CORO2A: variants seen among roughly 807,000 people sequenced by gnomAD.
CORO2A encodes coronin 2A.
In CORO2A, 47 loss-of-function variants were observed where a neutral mutation model predicts 62.4. That is an observed-to-expected ratio of 0.75 (90% CI 0.60 to 0.96). CORO2A has a LOEUF of 0.96. Among genes scored for constraint, CORO2A ranks in the 40% least tolerant of loss-of-function variants. The pLI is 0.00. For missense variants in CORO2A, 610 were observed against 684.1 expected (o/e 0.89, Z 1.21); for synonymous variants, 273 against 268.9 (o/e 1.02, Z -0.15).
At chr9:98,151,043 A>G (rs1827717893) in intron 2 of CORO2A, among the ~76,000 whole-genome samples, 2 of 152,182 alleles carry the variant, frequency 1.3e-5, no homozygotes, top group South Asian at 4.1e-4. Context: ...AACATTCTAT[A>G]TACAGTTGCA....
chr9:98,187,269 C>G (rs1282473244), intron 1 of CORO2A, among the ~76,000 whole-genome samples: 1 of 115,804 alleles, frequency 8.6e-6, no homozygotes, highest in African/African-American at 3.2e-5. Flanking sequence ...GGCGACAGAG[C>G]AAGACTCCAT....
intron 7 of CORO2A, 80 bp downstream of exon 7, chr9:98,130,875 G>C: frequency 8.4e-7 from 1 of 1,196,378 alleles, no homozygotes; most frequent in Non-Finnish European, 1.2e-6. Flanking sequence ...TCCCTGCCCT[G>C]TGTTCCCAAT....
At chr9:98,125,724 T>A (rs976726483) in intron 11 of CORO2A, among the ~76,000 whole-genome samples, 7 of 144,120 alleles carry the variant, frequency 4.9e-5, no homozygotes, top group African/African-American at 1.8e-4. Context: ...TTTTTTTTTT[T>A]TTTTTTTTTT....
chr9:98,192,339 G>C (rs914305596), intron 1 of CORO2A, among the ~76,000 whole-genome samples: 1 of 152,260 alleles, frequency 6.6e-6, no homozygotes, highest in Non-Finnish European at 1.5e-5. Flanking sequence ...CGCGAGAAGG[G>C]GGCCACCAAT....
chr9:98,165,349 G>C (rs1302433631), intron 1 of CORO2A, among the ~76,000 whole-genome samples: 1 of 152,170 alleles, frequency 6.6e-6, no homozygotes, highest in Non-Finnish European at 1.5e-5. Flanking sequence ...ATTTCTTAAA[G>C]GGCCCAACAT....
chr9:98,131,597 G>A (rs1044264995), intron 6 of CORO2A, among the ~76,000 whole-genome samples: 3 of 152,032 alleles, frequency 2.0e-5, no homozygotes, highest in Admixed American at 6.6e-5. Context: ...GGGATTACAC[G>A]CGTGTACCAC....
chr9:98,164,243 T>C (rs1827929221), intron 1 of CORO2A, among the ~76,000 whole-genome samples: 1 of 152,230 alleles, frequency 6.6e-6, no homozygotes, highest in Non-Finnish European at 1.5e-5. Context: ...GAACGCTCTA[T>C]GTGAAGGTGC....
At chr9:98,188,185 A>G (rs1828262114) in intron 1 of CORO2A, among the ~76,000 whole-genome samples, 1 of 152,228 alleles carries the variant, frequency 6.6e-6, no homozygotes, top group Admixed American at 6.5e-5. Flanking sequence ...CCCAGAAATG[A>G]GCCTGACTCA....
chr9:98,185,997 T>C (rs1054835283), intron 1 of CORO2A, among the ~76,000 whole-genome samples: 4 of 152,174 alleles, frequency 2.6e-5, no homozygotes, highest in Admixed American at 2.0e-4. Flanking sequence ...CAGGGCTGGC[T>C]AGAGGGACAA....
At chr9:98,137,273 G>A (rs755985828) in intron 3 of CORO2A, among the ~76,000 whole-genome samples, 1 of 152,078 alleles carries the variant, frequency 6.6e-6, no homozygotes, top group Non-Finnish European at 1.5e-5. Flanking sequence ...ATAGCTCCCC[G>A]AAGGATGGGT....
At position 98,191,014 on chromosome 9, in the gene CORO2A, T is replaced by G. The variant is rs72757961; in HGVS notation, c.-1+1545A>C. ...CACCCCCAGGTTCTGCTTGAATACC[T>G]GTGATGACAAAGAGCTCACTACCTG... On this transcript the variant is annotated intron_variant, in intron 1 of 11. Coordinates refer to ENST00000375077, the MANE Select transcript of CORO2A (RefSeq NM_052820.4). 1.2e-3 allele frequency among the ~76,000 whole-genome samples: 184 copies of G among 152,362 alleles called. 3 individuals carry two copies. Among genetic ancestry groups the G allele is most frequent in the Middle Eastern group, 3.4e-3 (1 of 294 alleles).
chr9:98,127,776 C>T (rs1827346465), intron 10 of CORO2A, among the ~76,000 whole-genome samples: 2 of 131,470 alleles, frequency 1.5e-5, no homozygotes, highest in African/African-American at 2.9e-5. Context: ...TGAGATTGTA[C>T]CACTGCACTC....
At chr9:98,145,100 C>T (rs1280156864) in intron 2 of CORO2A, among the ~76,000 whole-genome samples, 5 of 152,152 alleles carry the variant, frequency 3.3e-5, no homozygotes, top group Non-Finnish European at 7.4e-5. Context: ...TCCTTATGAG[C>T]ACCCAGATGA....
intron 5 of CORO2A, among the ~76,000 whole-genome samples, chr9:98,132,581 C>A (rs1827424201): frequency 6.6e-6 from 1 of 152,200 alleles, no homozygotes; most frequent in Non-Finnish European, 1.5e-5. Context: ...TATTGGGCAT[C>A]CCTACAGGGG....
intron 11 of CORO2A, among the ~76,000 whole-genome samples, chr9:98,126,182 T>C (rs1827315513): frequency 6.6e-6 from 1 of 151,730 alleles, no homozygotes; most frequent in South Asian, 2.1e-4. Flanking sequence ...ACTACAGGTG[T>C]ACGCCACCAC....
intron 2 of CORO2A, among the ~76,000 whole-genome samples, chr9:98,139,484 G>A (rs752011509): frequency 2.6e-5 from 4 of 152,214 alleles, no homozygotes; most frequent in Admixed American, 6.5e-5. Context: ...AAAATTAGCC[G>A]GGCGTGGTGG....
intron 2 of CORO2A, among the ~76,000 whole-genome samples, chr9:98,150,698 A>G (rs1827711206): frequency 6.6e-6 from 1 of 152,232 alleles, no homozygotes; most frequent in Non-Finnish European, 1.5e-5. Flanking sequence ...AGGAAAACCA[A>G]CTAATTATTG....
intron 7 of CORO2A, 30 bp downstream of exon 7, chr9:98,130,925 G>A: frequency 6.3e-7 from 1 of 1,579,190 alleles, no homozygotes; most frequent in Non-Finnish European, 8.7e-7. Context: ...AGGGGTCCAG[G>A]AGGTCACCTC....
intron 2 of CORO2A, among the ~76,000 whole-genome samples, chr9:98,137,962 C>T (rs2118825551): frequency 6.6e-6 from 1 of 152,286 alleles, no homozygotes; most frequent in East Asian, 1.9e-4. Context: ...CAGTGCCTAG[C>T]ACATGGCAGA....
Sources: allele counts gnomAD v4.1 joint callset (sites outside exome capture counted in the v4.1 genomes callset), GRCh38; gene constraint gnomAD v4.1.1; transcripts MANE v1.5; gene names NCBI Gene and HGNC (gene_info 2026-07-23, HGNC 2026-07-21).